Variants in BRCA2 observed in about 807,000 individuals in gnomAD.
BRCA2 encodes the protein breast cancer type 2 susceptibility protein.
BRCA2 carries 203 observed loss-of-function variants against 276.7 expected under a neutral mutation model. The ratio of observed to expected loss-of-function variants is 0.73; its 90% CI spans 0.65 to 0.82. The LOEUF (loss-of-function observed/expected upper bound fraction) is 0.82, where lower values mean the gene tolerates loss of function less well. BRCA2 is among the 40% of genes least tolerant of loss of function. The pLI is 0.00. For synonymous variants in BRCA2, 1,289 were observed against 1,338.4 expected (o/e 0.96, Z 0.81); for missense variants, 3,920 against 3,915.0 (o/e 1.00, Z -0.03).
At chr13:32,345,980 C>G (rs2072608493) in intron 12 of BRCA2, among the ~76,000 whole-genome samples, 1 of 151,974 alleles carries the variant, frequency 6.6e-6, no homozygotes, top group Non-Finnish European at 1.5e-5. Context: ...CAAAATAATT[C>G]TTCCGGATGT....
In BRCA2 at chr13:32,357,976, A is replaced by G. The variant is rs535645272; in HGVS notation, c.7805+47A>G. On this transcript the variant is annotated intron_variant, in intron 16 of 26. Transcript: ENST00000380152. ...TGTGTTAACTTTTATGTATTCCCTC[A>G]TCCCTCTTTCTTCTCTTAACTGTCT... 218 of 1,582,358 alleles carry G rather than the reference A, an allele frequency of 1.4e-4. No homozygotes were observed. In the East Asian group the frequency reaches 4.8e-3, roughly 35 times the overall value.
chr13:32,338,257 C>G lies in BRCA2; in HGVS notation c.3902C>G (p.Thr1301Ser), dbSNP rs1455648880. The change falls in exon 11 of 27, where the codon ACT becomes AGT. Residue 1301 changes from threonine (T) to serine (S), a missense_variant. Thr to Ser is a moderately conservative substitution (Grantham distance 58). Around this residue, in one of 2 missense-constraint regions of BRCA2, gnomAD observed 3,263 missense variants for 3,156.9 expected, o/e 1.03. Coordinates refer to ENST00000380152, the MANE Select transcript of BRCA2 (RefSeq NM_000059.4). ...QLILQNNIEM[T>S]TGTFVEEITE... ...ATATTACAAAATAATATTGAAATGACTACTGGCACTTTTGTTGAAGAAATT... is the reference window on the plus strand; with the variant it reads ...ATATTACAAAATAATATTGAAATGAGTACTGGCACTTTTGTTGAAGAAATT... 6.4e-7 allele frequency: 1 copy of G among 1,557,958 alleles called. No individual in the cohort carries two copies. Among genetic ancestry groups the G allele is most frequent in the African/African-American group, 1.4e-5 (1 of 72,568 alleles).
At chr13:32,353,923 C>A (rs1178181156) in intron 13 of BRCA2, among the ~76,000 whole-genome samples, 2 of 152,154 alleles carry the variant, frequency 1.3e-5, no homozygotes, top group African/African-American at 4.8e-5. Context: ...AATGTAGGAA[C>A]AACCCTAGGA....
intron 16 of BRCA2, among the ~76,000 whole-genome samples, chr13:32,361,510 G>A (rs979627711): frequency 1.3e-5 from 2 of 152,094 alleles, no homozygotes; most frequent in African/African-American, 4.8e-5. Context: ...AAGAGTCTTA[G>A]TTTTGGCTTG....
At chr13:32,382,322 G>T (rs1432824741) in intron 24 of BRCA2, among the ~76,000 whole-genome samples, 2 of 152,134 alleles carry the variant, frequency 1.3e-5, no homozygotes, top group Non-Finnish European at 2.9e-5. Flanking sequence ...AGATAGAGAC[G>T]GGAAGAGATC....
Position 32,355,165 on chromosome 13 carries a change from G to A in BRCA2, c.7312G>A (p.Asp2438Asn), listed in dbSNP as rs776936973. 1 of 1,613,812 alleles carries A rather than the reference G, an allele frequency of 6.2e-7. No individual in the cohort carries two copies. The highest frequency in any genetic ancestry group is 8.5e-7 in the Non-Finnish European group (1 of 1,179,848). ...LEENRQKQNI[D>N]GHGSDDSKNK... is the part of the protein sequence containing the mutation. Reference sequence around the variant, plus strand: ...GGAAAACAGACAAAAGCAAAACATTGATGGACATGGCTCTGATGATAGTAA... The same window carrying A: ...GGAAAACAGACAAAAGCAAAACATTAATGGACATGGCTCTGATGATAGTAA... The change falls in exon 14 of 27, where the codon GAT becomes AAT. Residue 2438 changes from aspartate to asparagine, a missense_variant. By Grantham distance (23) the Asp-to-Asn change is conservative. Coordinates refer to ENST00000380152, the MANE Select transcript of BRCA2 (RefSeq NM_000059.4).
In BRCA2 at chr13:32,398,403, C is replaced by CATTT. The variant is rs730881619; in HGVS notation, c.9891_9894dup (p.Gln3299IlefsTer29). The CATTT allele has an allele frequency of 6.2e-7, 1 of 1,614,082 alleles. No individual in the cohort carries two copies. Among genetic ancestry groups the CATTT allele is most frequent in the African/African-American group, 1.3e-5 (1 of 74,922 alleles). Reference sequence around the variant, plus strand: ...TTTGTTTCTCCGGCTGCACAGAAGGCATTTCAGCCACCAAGGAGTTGTGGC... The same window carrying CATTT: ...TTTGTTTCTCCGGCTGCACAGAAGGCATTTATTTCAGCCACCAAGGAGTTGTGGC... On this transcript the variant is annotated frameshift_variant, in exon 27 of 27. Transcript: ENST00000380152. LOFTEE classifies it low-confidence loss of function (END_TRUNC).
At chr13:32,382,154 G>T (rs11571778) in intron 24 of BRCA2, among the ~76,000 whole-genome samples, 2 of 152,074 alleles carry the variant, frequency 1.3e-5, no homozygotes, top group Non-Finnish European at 2.9e-5. Flanking sequence ...GGGTTTCACC[G>T]TGTTAGCCAG....
intron 20 of BRCA2, among the ~76,000 whole-genome samples, chr13:32,374,299 A>T (rs551118628): frequency 2.6e-4 from 39 of 152,222 alleles, no homozygotes; most frequent in African/African-American, 9.2e-4. Flanking sequence ...CTTGTTACTT[A>T]TGCAAACTTC....
chr13:32,381,116 A>T (rs2072922036), intron 24 of BRCA2, among the ~76,000 whole-genome samples: 1 of 151,668 alleles, frequency 6.6e-6, no homozygotes. Flanking sequence ...TATTTGGATG[A>T]CTCTTTTCAC....
At chr13:32,321,103 A>G (rs1177536462) in intron 3 of BRCA2, among the ~76,000 whole-genome samples, 1 of 152,216 alleles carries the variant, frequency 6.6e-6, no homozygotes, top group East Asian at 1.9e-4. Flanking sequence ...TATGGAACAT[A>G]AAACTATAGG....
At chr13:32,361,896 G>A (rs376601126) in intron 16 of BRCA2, among the ~76,000 whole-genome samples, 65 of 152,182 alleles carry the variant, frequency 4.3e-4, no homozygotes, top group African/African-American at 1.5e-3. Flanking sequence ...GTTCTCAGGC[G>A]TGATTTCTAA....
intron 3 of BRCA2, among the ~76,000 whole-genome samples, chr13:32,323,687 T>C (rs979477234): frequency 1.3e-5 from 2 of 152,244 alleles, no homozygotes; most frequent in African/African-American, 2.4e-5. Context: ...GTCTTCACTT[T>C]ATTTTAGTAA....
At chr13:32,396,042 C>T (rs964564039) in intron 25 of BRCA2, 18 of 203,406 alleles carry the variant, frequency 8.8e-5, no homozygotes, top group African/African-American at 3.4e-4. Context: ...AGCACAATCT[C>T]GGATCACTGC....
rs398122586 is a variant in BRCA2, at chr13:32,357,761, C to T, written c.7637C>T (p.Ser2546Phe). Residue 2546 changes from serine to phenylalanine, a missense_variant, in exon 16 of 27, where the codon TCT (serine) becomes TTT (phenylalanine). Physicochemically the swap from Ser to Phe is radical, Grantham distance 155. Coordinates refer to ENST00000380152, the MANE Select transcript of BRCA2 (RefSeq NM_000059.4). ...GTGTAGCTGTATACGTATGGCGTTT[C>T]TAAACATTGCATAAAAATTAACAGC... is the stretch of plus-strand genomic sequence containing the variant. ...SHKQLYTYGV[S>F]KHCIKINSKN... 1.9e-6 allele frequency: 3 copies of T among 1,613,018 alleles called. No homozygotes were observed. In the Admixed American group the frequency reaches 5.0e-5, roughly 27 times the overall value.
chr13:32,371,035 A>C lies in BRCA2; in HGVS notation c.8567A>C (p.Glu2856Ala), dbSNP rs11571747. 3,965 of 1,614,178 alleles carry C rather than the reference A, an allele frequency of 2.5e-3. 8 individuals are homozygous for C. Among genetic ancestry groups the C allele is most frequent in the Non-Finnish European group, 3.2e-3 (3,789 of 1,179,996 alleles). Residue 2856 changes from glutamate to alanine, a missense_variant, in exon 20 of 27, where the codon GAG (glutamate) becomes GCG (alanine). Around this residue, in one of 2 missense-constraint regions of BRCA2, gnomAD observed 657 missense variants for 758.2 expected, o/e 0.87. Coordinates refer to ENST00000380152, the MANE Select transcript of BRCA2 (RefSeq NM_000059.4). The stretch of plus-strand genomic sequence containing the variant: ...GAAAAGGAAGCAGCAAAATATGTGG[A>C]GGCCCAACAAAAGAGACTAGAAGCC... ...EEEKEAAKYV[E>A]AQQKRLEALF...
At chr13:32,351,498 C>T (rs1277569475) in intron 13 of BRCA2, among the ~76,000 whole-genome samples, 2 of 152,170 alleles carry the variant, frequency 1.3e-5, no homozygotes, top group African/African-American at 2.4e-5. Context: ...TCAGCAAGAC[C>T]AAGAACCCAC....
At chr13:32,387,297 C>A (rs1278273188) in intron 24 of BRCA2, among the ~76,000 whole-genome samples, 2 of 152,086 alleles carry the variant, frequency 1.3e-5, no homozygotes, top group African/African-American at 2.4e-5. Context: ...CATTATAAAC[C>A]TTAATCATTA....
In BRCA2 at chr13:32,334,848, C is replaced by A. The variant is rs529758987; in HGVS notation, c.1910-1417C>A. ...CTGCATCTCCGTGGTGTAACTCTGT[C>A]CTCTTTGTTGTTGCAACAGTTCACT... On this transcript the variant is annotated intron_variant, in intron 10 of 26. Coordinates refer to ENST00000380152, the MANE Select transcript of BRCA2 (RefSeq NM_000059.4). 1.2e-4 allele frequency among the ~76,000 whole-genome samples: 18 copies of A among 152,220 alleles called. No individual in the cohort carries two copies. The South Asian group carries it at 1.2e-3, about 11-fold the overall frequency.
Sources: allele counts gnomAD v4.1 joint callset (sites outside exome capture counted in the v4.1 genomes callset), GRCh38; gene constraint gnomAD v4.1.1; regional missense constraint gnomAD v4.1.1; transcripts MANE v1.5; gene names NCBI Gene and HGNC (gene_info 2026-07-23, HGNC 2026-07-21).